The following LRMDA variants were observed in gnomAD, a reference collection of about 807,000 sequenced individuals.
LRMDA encodes the protein leucine-rich melanocyte differentiation-associated protein.
Under a neutral mutation model 29.8 loss-of-function variants are expected in LRMDA, and 18 were observed. The ratio of observed to expected loss-of-function variants is 0.60; its 90% CI spans 0.42 to 0.90. The LOEUF is 0.90. LRMDA is among the 40% of genes least tolerant of loss of function. The pLI is 0.00. For synonymous variants in LRMDA, 125 were observed against 109.4 expected, an observed-to-expected ratio of 1.14 and a Z score of -0.89; for missense variants, 273 against 273.9, an observed-to-expected ratio of 1.00 and a Z score of 0.02.
At chr10:75,484,453 A>G (rs191877663) in intron 2 of LRMDA, among the ~76,000 whole-genome samples, 1 of 152,294 alleles carries the variant, frequency 6.6e-6, no homozygotes, top group African/African-American at 2.4e-5. Context: ...ATTTGCTAAA[A>G]TTTTAAGATT....
chr10:76,240,876 A>G (rs927923614), intron 5 of LRMDA, among the ~76,000 whole-genome samples: 2 of 147,502 alleles, frequency 1.4e-5, no homozygotes, highest in Non-Finnish European at 3.0e-5. Flanking sequence ...ATATATACGC[A>G]CACACACACA....
At chr10:75,831,809 A>G (rs1417633941) in intron 2 of LRMDA, among the ~76,000 whole-genome samples, 1 of 152,228 alleles carries the variant, frequency 6.6e-6, no homozygotes, top group Non-Finnish European at 1.5e-5. Flanking sequence ...CTGCAGGCTC[A>G]ATACCACATG....
At chr10:75,520,335 C>G (rs563759339) in intron 2 of LRMDA, among the ~76,000 whole-genome samples, 1 of 152,302 alleles carries the variant, frequency 6.6e-6, no homozygotes, top group Non-Finnish European at 1.5e-5. Flanking sequence ...TAGATTTGGT[C>G]TTTCACATAG....
intron 6 of LRMDA, among the ~76,000 whole-genome samples, chr10:76,477,534 A>G (rs936448806): frequency 8.5e-5 from 13 of 152,132 alleles, no homozygotes; most frequent in Non-Finnish European, 1.6e-4. Context: ...CTTTCTTCAC[A>G]GAATTGGAAA....
chr10:76,407,190 G>A (rs574309026), intron 6 of LRMDA, among the ~76,000 whole-genome samples: 3 of 152,316 alleles, frequency 2.0e-5, no homozygotes, highest in African/African-American at 7.2e-5. Context: ...GGTGGAGAGT[G>A]GAGGAAGGCA....
At chr10:76,464,595 C>T (rs1013843673) in intron 6 of LRMDA, among the ~76,000 whole-genome samples, 1 of 152,240 alleles carries the variant, frequency 6.6e-6, no homozygotes, top group Non-Finnish European at 1.5e-5. Context: ...TCCAGCTCAT[C>T]TGTTGGCCAC....
At chr10:75,789,554 C>T (rs1219690375) in intron 2 of LRMDA, among the ~76,000 whole-genome samples, 5 of 152,092 alleles carry the variant, frequency 3.3e-5, no homozygotes, top group Non-Finnish European at 2.9e-5. Flanking sequence ...CAGAGTAAAC[C>T]AGGAATGTCT....
intron 2 of LRMDA, among the ~76,000 whole-genome samples, chr10:75,861,740 C>G (rs537121359): frequency 6.6e-6 from 1 of 152,234 alleles, no homozygotes; most frequent in African/African-American, 2.4e-5. Flanking sequence ...CTGTGGTGGC[C>G]CCCAATGAAC....
intron 2 of LRMDA, among the ~76,000 whole-genome samples, chr10:75,901,289 C>T (rs970446629): frequency 4.6e-5 from 7 of 151,742 alleles, no homozygotes; most frequent in Non-Finnish European, 8.8e-5. Context: ...TTTAAGATTT[C>T]ACTCATGCCT....
At chr10:76,193,705 G>A (rs752119004) in intron 5 of LRMDA, among the ~76,000 whole-genome samples, 1 of 152,118 alleles carries the variant, frequency 6.6e-6, no homozygotes, top group Non-Finnish European at 1.5e-5. Context: ...AAACAAAAAT[G>A]TGTTGCTGTC....
At chr10:76,363,813 C>A (rs943059244) in intron 6 of LRMDA, among the ~76,000 whole-genome samples, 1 of 152,082 alleles carries the variant, frequency 6.6e-6, no homozygotes, top group Non-Finnish European at 1.5e-5. Flanking sequence ...TTGTTTTGAG[C>A]TTACAGTTAA....
chr10:75,835,491 G>T lies in LRMDA; in HGVS notation c.132-200517G>T, dbSNP rs528042162. Reference sequence around the variant, plus strand: ...GTCCCTTTTTCCATATGAATTCACAGGTTCTGAAAATTCATGGACATATTT... The same window carrying T: ...GTCCCTTTTTCCATATGAATTCACATGTTCTGAAAATTCATGGACATATTT... On this transcript the variant is annotated intron_variant, in intron 2 of 6. Coordinates refer to ENST00000611255, the MANE Select transcript of LRMDA (RefSeq NM_001305581.2). Among the ~76,000 whole-genome samples the T allele has an allele frequency of 5.3e-5, 8 of 152,264 alleles. No individual in the cohort carries two copies. In the South Asian group the frequency reaches 1.4e-3, roughly 28 times the overall value.
At chr10:76,495,940 A>T (rs1298991331) in intron 6 of LRMDA, among the ~76,000 whole-genome samples, 1 of 70,914 alleles carries the variant, frequency 1.4e-5, no homozygotes. Flanking sequence ...ATAGACAATT[A>T]TGCTGTCTTG....
chr10:75,736,050 T>C (rs1842758433), intron 2 of LRMDA, among the ~76,000 whole-genome samples: 1 of 152,158 alleles, frequency 6.6e-6, no homozygotes, highest in Non-Finnish European at 1.5e-5. Context: ...ATCAGCTTCT[T>C]TCCCAAACTC....
At chr10:75,571,290 G>A (rs536806731) in intron 2 of LRMDA, among the ~76,000 whole-genome samples, 1 of 152,236 alleles carries the variant, frequency 6.6e-6, no homozygotes, top group South Asian at 2.1e-4. Context: ...GAGGGAATTA[G>A]GTTAACATAA....
chr10:76,161,766 C>A lies in LRMDA; in HGVS notation c.516+102983C>A, dbSNP rs11001647. Among the ~76,000 whole-genome samples the A allele has an allele frequency of 9.8e-3, 1,488 of 152,176 alleles. 29 individuals carry two copies. The highest frequency in any genetic ancestry group is 0.034 in the African/African-American group (1,393 of 41,518). ...GGAGGATGAAGGGGAACAAGATAGA[C>A]CTAGATGTGGTGGCACCTTAGAAAA... On this transcript the variant is annotated intron_variant, in intron 5 of 6. Transcript: ENST00000611255.
intron 2 of LRMDA, among the ~76,000 whole-genome samples, chr10:75,918,475 C>T (rs970213230): frequency 2.0e-5 from 3 of 151,844 alleles, no homozygotes; most frequent in Admixed American, 6.6e-5. Context: ...GGTGCCACAC[C>T]CTTTCAAATA....
At chr10:75,662,152 T>C (rs1477833274) in intron 2 of LRMDA, among the ~76,000 whole-genome samples, 1 of 152,152 alleles carries the variant, frequency 6.6e-6, no homozygotes, top group Non-Finnish European at 1.5e-5. Context: ...TTTCCATTCA[T>C]TGTCATTCAT....
chr10:75,640,725 A>G (rs371944411), intron 2 of LRMDA, among the ~76,000 whole-genome samples: 69 of 152,290 alleles, frequency 4.5e-4, no homozygotes, highest in African/African-American at 1.6e-3. Context: ...GAGCAGAGCT[A>G]TAGGCTCTGT....
Sources: allele counts gnomAD v4.1 joint callset (sites outside exome capture counted in the v4.1 genomes callset), GRCh38; gene constraint gnomAD v4.1.1; transcripts MANE v1.5; gene names NCBI Gene and HGNC (gene_info 2026-07-23, HGNC 2026-07-21).